MANBA: variants seen among roughly 807,000 people sequenced by gnomAD.
The protein encoded by MANBA is mannosidase beta.
A neutral mutation model predicts 111.1 loss-of-function variants in MANBA; 83 were observed. The ratio of observed to expected loss-of-function variants is 0.75; its 90% confidence interval spans 0.63 to 0.90. The LOEUF (loss-of-function observed/expected upper bound fraction) is 0.90, where lower values mean the gene tolerates loss of function less well. Ranked by LOEUF, MANBA falls within the 40% of genes least tolerant of loss-of-function variation. The pLI is 0.00. For missense variants in MANBA, 1,036 were observed against 1,069.0 expected (o/e 0.97, Z 0.43); for synonymous variants, 370 against 378.7 (o/e 0.98, Z 0.27).
intron 7 of MANBA, among the ~76,000 whole-genome samples, chr4:102,678,075 T>C (rs939529921): frequency 6.6e-6 from 1 of 152,186 alleles, no homozygotes; most frequent in Non-Finnish European, 1.5e-5. Context: ...AAATAGAATT[T>C]ATTTGTTTCT....
At chr4:102,669,139 T>A in intron 9 of MANBA, 90 bp from the exon 10 acceptor site, 1 of 1,027,944 alleles carries the variant, frequency 9.7e-7, no homozygotes, top group Non-Finnish European at 1.5e-6. Flanking sequence ...GCATTATCTT[T>A]CACACAAATG....
intron 1 of MANBA, chr4:102,752,441 A>T: frequency 1.2e-6 from 1 of 803,774 alleles, no homozygotes; most frequent in Non-Finnish European, 2.2e-6. Context: ...TCTCCTACCC[A>T]TGAACAGCAA....
intron 1 of MANBA, among the ~76,000 whole-genome samples, chr4:102,759,485 G>T (rs78819756): frequency 6.6e-6 from 1 of 151,706 alleles, no homozygotes; most frequent in East Asian, 1.9e-4. Flanking sequence ...CTAAAGTTTG[G>T]GAATGATCTA....
chr4:102,657,223 G>C lies in MANBA; in HGVS notation c.1704+459C>G, dbSNP rs78269313. Among the ~76,000 whole-genome samples the C allele has an allele frequency of 2.0e-3, 81 of 40,392 alleles. 1 individual carries two copies. The highest frequency in any genetic ancestry group is 3.4e-3 in the Non-Finnish European group (64 of 18,772). The allele number at this position is 40,392 out of a possible 152,430, so 26.5% of individuals were successfully genotyped here. A position where few individuals can be genotyped will look rare whatever the true frequency, so the allele number is the denominator to read the frequency against. ...AAAGAGGGAGAGAGAGGAGTGGGGTGGGGGGGGGGTGGGCGGTGGTAATGG... is the reference window on the plus strand; with the variant it reads ...AAAGAGGGAGAGAGAGGAGTGGGGTCGGGGGGGGGTGGGCGGTGGTAATGG... On this transcript the variant is annotated intron_variant, in intron 12 of 16. Coordinates refer to ENST00000647097, the MANE Select transcript of MANBA (RefSeq NM_005908.4).
chr4:102,678,600 C>T (rs958549620), intron 7 of MANBA, among the ~76,000 whole-genome samples: 3 of 151,824 alleles, frequency 2.0e-5, no homozygotes, highest in Admixed American at 6.6e-5. Context: ...ATGTGTAAGT[C>T]GGGCAGTTAG....
rs753310442 is a variant in MANBA at position 102,634,867 on chromosome 4, T to A, written c.2336A>T (p.His779Leu). 2 of 1,614,218 alleles carry A rather than the reference T, an allele frequency of 1.2e-6. No homozygotes were observed. The highest frequency in any genetic ancestry group is 1.1e-5 in the South Asian group (1 of 91,082). ...GTAGTTGGTCGGGCTCAGGAGTTCA[T>A]GGTCAGCTGAAAGGTAAAAGGAAAC... is the stretch of plus-strand genomic sequence containing the variant. ...CVVSFYLSAD[H>L]ELLSPTNYHF... The change falls in exon 16 of 17, where the codon CAT becomes CTT. Residue 779 changes from histidine to leucine, a missense_variant. His to Leu is a moderately conservative substitution (Grantham distance 99, BLOSUM62 -3). Coordinates refer to ENST00000647097, the MANE Select transcript of MANBA (RefSeq NM_005908.4).
chr4:102,700,282 A>C (rs1476590236), intron 5 of MANBA, among the ~76,000 whole-genome samples: 1 of 151,754 alleles, frequency 6.6e-6, no homozygotes. Flanking sequence ...ACGGTCTATC[A>C]ATTTTGTTGA....
chr4:102,746,436 C>T (rs1723588880), intron 1 of MANBA, among the ~76,000 whole-genome samples: 1 of 152,150 alleles, frequency 6.6e-6, no homozygotes, highest in South Asian at 2.1e-4. Flanking sequence ...ACTTCTGAAG[C>T]TGAAAATGAA....
At chr4:102,750,919 CA>C (rs112851117) in intron 1 of MANBA, among the ~76,000 whole-genome samples, 1 of 151,012 alleles carries the variant, frequency 6.6e-6, no homozygotes, top group Non-Finnish European at 1.5e-5. Flanking sequence ...TCTCAAAAAA[CA>C]AAAAAAATGA....
intron 5 of MANBA, among the ~76,000 whole-genome samples, chr4:102,710,759 C>A (rs1310248130): frequency 6.6e-6 from 1 of 151,972 alleles, no homozygotes; most frequent in African/African-American, 2.4e-5. Context: ...ACACATAAAC[C>A]AAAGGAACAG....
chr4:102,659,957 C>G (rs1730850323), intron 11 of MANBA, among the ~76,000 whole-genome samples: 1 of 152,130 alleles, frequency 6.6e-6, no homozygotes, highest in Non-Finnish European at 1.5e-5. Context: ...TCTCAGGCTT[C>G]TCCTTGTTCT....
intron 1 of MANBA, chr4:102,730,517 C>G (rs1722993511): frequency 7.5e-6 from 4 of 530,988 alleles, no homozygotes; most frequent in Non-Finnish European, 1.1e-5. Context: ...AACATTGATT[C>G]TACATCTTAT....
At chr4:102,760,089 TACACACACAC>T (rs35109830) in intron 1 of MANBA, among the ~76,000 whole-genome samples, 1 of 149,736 alleles carries the variant, frequency 6.7e-6, no homozygotes, top group Admixed American at 6.7e-5. Context: ...TCCATTGGGA[TACACACACAC>T]ACACACACAC....
intron 1 of MANBA, among the ~76,000 whole-genome samples, chr4:102,738,875 A>G (rs890249056): frequency 6.6e-6 from 1 of 152,356 alleles, no homozygotes. Context: ...ATGAATGAAA[A>G]GGTCTCCAGA....
intron 8 of MANBA, among the ~76,000 whole-genome samples, chr4:102,673,066 T>G (rs1210277647): frequency 6.6e-6 from 1 of 152,212 alleles, no homozygotes; most frequent in Non-Finnish European, 1.5e-5. Context: ...CTTGTTCTCT[T>G]GCATATCTGC....
intron 1 of MANBA, among the ~76,000 whole-genome samples, chr4:102,737,170 C>T (rs922401419): frequency 9.2e-5 from 14 of 152,088 alleles, no homozygotes; most frequent in Non-Finnish European, 4.4e-5. Context: ...AGGAAGCTCC[C>T]GGCTGAACTT....
intron 5 of MANBA, among the ~76,000 whole-genome samples, chr4:102,696,284 T>C (rs1470697512): frequency 6.6e-6 from 1 of 152,186 alleles, no homozygotes; most frequent in African/African-American, 2.4e-5. Flanking sequence ...TCTGACCCTC[T>C]GCTAAACGTG....
rs70937560 is a variant in MANBA, at chr4:102,670,154, CAAAAAAAAAA to C, written c.1231-1115_1231-1106del. ...TAGGCAACAGAGCCAGACTCCATAT[CAAAAAAAAAA>C]AAAAAAAAAAAAAGATCATAGCCCC... is the stretch of plus-strand genomic sequence containing the variant. On this transcript the variant is annotated intron_variant, in intron 9 of 16. Coordinates refer to ENST00000647097, the MANE Select transcript of MANBA (RefSeq NM_005908.4). Among the ~76,000 whole-genome samples the C allele has an allele frequency of 7.0e-4, 76 of 107,942 alleles. 1 individual carries two copies. Among genetic ancestry groups the C allele is most frequent in the South Asian group, 1.6e-3 (6 of 3,864 alleles). 70.8% of individuals were successfully genotyped at this position (107,942 alleles called of 152,430 possible). A position where few individuals can be genotyped will look rare whatever the true frequency, so the allele number is the denominator to read the frequency against.
chr4:102,639,312 G>C (rs184924559), intron 14 of MANBA, among the ~76,000 whole-genome samples: 2 of 152,086 alleles, frequency 1.3e-5, no homozygotes, highest in Non-Finnish European at 2.9e-5. Flanking sequence ...ACACATAAGC[G>C]GGCCAAACTT....
Sources: allele counts gnomAD v4.1 joint callset (sites outside exome capture counted in the v4.1 genomes callset), GRCh38; gene constraint gnomAD v4.1.1; transcripts MANE v1.5; gene names NCBI Gene and HGNC (gene_info 2026-07-23, HGNC 2026-07-21).